Variants in PPARGC1B observed in about 807,000 individuals in gnomAD.
The protein encoded by PPARGC1B is peroxisome proliferator-activated receptor gamma coactivator 1-beta.
In PPARGC1B, 34 loss-of-function variants were observed where a neutral mutation model predicts 101.6. That is an observed-to-expected ratio of 0.33 (90% CI 0.25 to 0.45). The LOEUF (loss-of-function observed/expected upper bound fraction) is 0.45, where lower values mean the gene tolerates loss of function less well. Among genes scored for constraint, PPARGC1B ranks in the 20% least tolerant of loss-of-function variants. PPARGC1B has a pLI of 1.00. For missense variants in PPARGC1B, 1,234 were observed against 1,317.6 expected, an observed-to-expected ratio of 0.94 and a Z score of 0.98; for synonymous variants, 548 against 539.3, an observed-to-expected ratio of 1.02 and a Z score of -0.22.
chr5:149,830,030 CAAAAAAAAAAAAAA>C (rs60711433), intron 3 of PPARGC1B, among the ~76,000 whole-genome samples: 25 of 34,268 alleles, frequency 7.3e-4, no homozygotes, highest in South Asian at 2.2e-3. Context: ...GACTGCATCT[CAAAAAAAAAAAAAA>C]AAAAAAAAAA....
chr5:149,802,353 T>G (rs1250632071), intron 1 of PPARGC1B, among the ~76,000 whole-genome samples: 1 of 152,202 alleles, frequency 6.6e-6, no homozygotes, highest in Admixed American at 6.5e-5. Flanking sequence ...CTCTGGGCTT[T>G]GCATGTTGCC....
Position 149,833,230 on chromosome 5 carries a change from G to C in PPARGC1B, c.1157G>C (p.Gly386Ala). 1 of 1,613,312 alleles carries C rather than the reference G, an allele frequency of 6.2e-7. No homozygotes were observed. Among genetic ancestry groups the C allele is most frequent in the Non-Finnish European group, 8.5e-7 (1 of 1,179,998 alleles). The stretch of plus-strand genomic sequence containing the variant: ...CCCAAAGACAGTCAGGCCTCCCCTG[G>C]TCGCCCGTCCTCGGTGGAGGAGGTA... ...RPPKDSQASP[G>A]RPSSVEEVRI... The change falls in exon 5 of 12, where the codon GGT (glycine) becomes GCT (alanine). Residue 386 changes from glycine (G) to alanine (A), a missense_variant. This residue lies in a region of PPARGC1B where 734 missense variants were observed against 768.4 expected (regional missense o/e 0.96). Transcript: ENST00000309241. This position sits in a 1 kb window ranked among gnomAD's most constrained non-coding sequence, Gnocchi z 4.1.
chr5:149,800,454 C>T (rs932651472), intron 1 of PPARGC1B, among the ~76,000 whole-genome samples: 36 of 152,234 alleles, frequency 2.4e-4, no homozygotes, highest in African/African-American at 8.7e-4. Context: ...CAAGCAATTA[C>T]GAGCCTGGTC....
chr5:149,831,961 T>C (rs1758800719), intron 4 of PPARGC1B, among the ~76,000 whole-genome samples: 1 of 152,204 alleles, frequency 6.6e-6, no homozygotes, highest in Non-Finnish European at 1.5e-5. Flanking sequence ...TTCTATGACT[T>C]TTAGTAAACT....
At chr5:149,809,382 G>GATCCATCTCTACC (rs1364095300) in intron 1 of PPARGC1B, among the ~76,000 whole-genome samples, 1 of 122,032 alleles carries the variant, frequency 8.2e-6, no homozygotes, top group African/African-American at 3.0e-5. Context: ...TAGATAGATA[G>GATCCATCTCTACC]ATAGATAGAT....
chr5:149,756,209 G>A (rs1755515263), intron 1 of PPARGC1B, among the ~76,000 whole-genome samples: 1 of 152,038 alleles, frequency 6.6e-6, no homozygotes, highest in Non-Finnish European at 1.5e-5. Flanking sequence ...CACCTGTAAT[G>A]CCAGCACTTT....
chr5:149,751,901 A>G (rs1311109586), intron 1 of PPARGC1B, among the ~76,000 whole-genome samples: 1 of 152,160 alleles, frequency 6.6e-6, no homozygotes, highest in Admixed American at 6.5e-5. Flanking sequence ...TGGGGAGAAC[A>G]TAGACGGTAG....
intron 1 of PPARGC1B, among the ~76,000 whole-genome samples, chr5:149,799,790 C>T (rs11747142): frequency 0.32 from 47,185 of 149,478 alleles, 7,682 homozygotes; most frequent in South Asian, 0.45. Flanking sequence ...CTCCGCCTCC[C>T]GGGTTCAAGT....
chr5:149,838,371 A>G (rs1165552248), intron 8 of PPARGC1B, among the ~76,000 whole-genome samples: 1 of 152,148 alleles, frequency 6.6e-6, no homozygotes, highest in Non-Finnish European at 1.5e-5. Context: ...CCCTTACTGT[A>G]GAAGCTAGGA....
At chr5:149,743,608 G>A (rs1754986616) in intron 1 of PPARGC1B, among the ~76,000 whole-genome samples, 1 of 152,170 alleles carries the variant, frequency 6.6e-6, no homozygotes, top group South Asian at 2.1e-4. Flanking sequence ...AACAAATGCT[G>A]TTCGATCTTT....
chr5:149,778,227 T>C (rs901412293), intron 1 of PPARGC1B, among the ~76,000 whole-genome samples: 1 of 151,586 alleles, frequency 6.6e-6, no homozygotes, highest in Non-Finnish European at 1.5e-5. Context: ...TGCTTTGTCT[T>C]GGAGGGGATG....
chr5:149,809,363 A>G (rs1265800277), intron 1 of PPARGC1B, among the ~76,000 whole-genome samples: 4 of 125,728 alleles, frequency 3.2e-5, no homozygotes, highest in African/African-American at 1.3e-4. Flanking sequence ...AGATAGATAG[A>G]TAGATAGATA....
chr5:149,806,854 A>C (rs1458661284), intron 1 of PPARGC1B, among the ~76,000 whole-genome samples: 1 of 151,070 alleles, frequency 6.6e-6, no homozygotes, highest in East Asian at 1.9e-4. Context: ...CCGTCCACCC[A>C]CCCTGGCCTC....
intron 1 of PPARGC1B, chr5:149,732,775 A>T (rs1165757847): frequency 2.1e-6 from 1 of 472,174 alleles, no homozygotes; most frequent in East Asian, 6.9e-5. Flanking sequence ...GGCTGCGAGG[A>T]GTGAGCGGCT....
chr5:149,839,250 G>C (rs1355488953), intron 8 of PPARGC1B, among the ~76,000 whole-genome samples: 1 of 152,216 alleles, frequency 6.6e-6, no homozygotes, highest in Non-Finnish European at 1.5e-5. Flanking sequence ...CTATTTTATA[G>C]ATGAAGAACT....
At chr5:149,799,840 G>A (rs1191678369) in intron 1 of PPARGC1B, among the ~76,000 whole-genome samples, 1 of 151,794 alleles carries the variant, frequency 6.6e-6, no homozygotes, top group Non-Finnish European at 1.5e-5. Context: ...TGGGACTACA[G>A]GTGTACGCCA....
At chr5:149,776,002 T>G (rs567719250) in intron 1 of PPARGC1B, among the ~76,000 whole-genome samples, 13 of 152,306 alleles carry the variant, frequency 8.5e-5, no homozygotes, top group Admixed American at 2.6e-4. Context: ...CCCTAGTGGT[T>G]AGCATCAAGA....
chr5:149,732,712 G>A, intron 1 of PPARGC1B: 1 of 441,994 alleles, frequency 2.3e-6, no homozygotes, highest in South Asian at 1.6e-5. Flanking sequence ...CCAGCCGGAA[G>A]AGGACCTGGG....
At chr5:149,748,922 C>T (rs1461332057) in intron 1 of PPARGC1B, among the ~76,000 whole-genome samples, 1 of 152,156 alleles carries the variant, frequency 6.6e-6, no homozygotes, top group Non-Finnish European at 1.5e-5. Flanking sequence ...AGGAGAGTGA[C>T]TTTGAGGGTG....
Sources: gnomAD v4.1 joint callset for allele counts (sites outside exome capture counted in the v4.1 genomes callset) on GRCh38, gnomAD v4.1.1 for gene constraint, gnomAD v4.1.1 regional missense constraint, Gnocchi (gnomAD v3.1) non-coding constraint, MANE v1.5 for transcripts, NCBI Gene and HGNC (gene_info 2026-07-23, HGNC 2026-07-21) for gene names.